The following SCARA3 variants were observed in gnomAD, a reference collection of about 807,000 sequenced individuals.
SCARA3 encodes cellular stress response gene protein.
SCARA3 carries 39 observed loss-of-function variants against 47.0 expected under a neutral mutation model. The observed-to-expected ratio is 0.83, with a 90% confidence interval of 0.64 to 1.08. SCARA3 has a LOEUF of 1.08. Ranked by LOEUF, SCARA3 falls within the 50% of genes least tolerant of loss-of-function variation. The pLI is 0.00. For synonymous variants in SCARA3, 356 were observed against 334.1 expected, an observed-to-expected ratio of 1.07 and a Z score of -0.71; for missense variants, 724 against 792.3, an observed-to-expected ratio of 0.91 and a Z score of 1.04.
At chr8:27,642,408 G>A (rs879938092) in intron 1 of SCARA3, among the ~76,000 whole-genome samples, 1 of 152,194 alleles carries the variant, frequency 6.6e-6, no homozygotes, top group Non-Finnish European at 1.5e-5. Flanking sequence ...GCTCATTGAA[G>A]CGGACGATCT....
the SCARA3 span, chr8:27,697,641 C>T: frequency 1.3e-5 from 2 of 152,158 alleles, no homozygotes; most frequent in South Asian, 4.1e-4. Flanking sequence ...AAATATAGAT[C>T]CCGTAATTCC....
At chr8:27,717,417 G>A in the SCARA3 span, among the ~76,000 whole-genome samples, 14 of 152,324 alleles carry the variant, frequency 9.2e-5, 1 homozygote, top group East Asian at 2.5e-3. Flanking sequence ...GAAGGAGTCA[G>A]GCATGGGGCC....
At chr8:27,720,138 G>A in the SCARA3 span, among the ~76,000 whole-genome samples, 1 of 152,106 alleles carries the variant, frequency 6.6e-6, no homozygotes, top group Non-Finnish European at 1.5e-5. Flanking sequence ...TATAGGAGAT[G>A]TGGGGTGCTT....
At chr8:27,669,597 A>G (rs1165744230) in intron 5 of SCARA3, among the ~76,000 whole-genome samples, 1 of 152,132 alleles carries the variant, frequency 6.6e-6, no homozygotes, top group Non-Finnish European at 1.5e-5. Flanking sequence ...TAACTCAACA[A>G]TGGAATCTCA....
chr8:27,721,597 T>A, the SCARA3 span, among the ~76,000 whole-genome samples: 4 of 152,190 alleles, frequency 2.6e-5, no homozygotes, highest in African/African-American at 9.7e-5. Flanking sequence ...TTCATCCCAA[T>A]GGCCTCAAGT....
chr8:27,669,963 C>A (rs1050299540), intron 5 of SCARA3, among the ~76,000 whole-genome samples: 1 of 152,078 alleles, frequency 6.6e-6, no homozygotes, highest in African/African-American at 2.4e-5. Flanking sequence ...GCCTTGTGTC[C>A]TCAGGGTTGG....
At chr8:27,726,233 C>T in the SCARA3 span, among the ~76,000 whole-genome samples, 1 of 152,164 alleles carries the variant, frequency 6.6e-6, no homozygotes, top group African/African-American at 2.4e-5. Flanking sequence ...ATAGCAAGAC[C>T]TGCATCTACA....
At chr8:27,662,587 G>A (rs1179690621) in intron 5 of SCARA3, among the ~76,000 whole-genome samples, 2 of 152,194 alleles carry the variant, frequency 1.3e-5, no homozygotes, top group Admixed American at 1.3e-4. Flanking sequence ...TATATCCAGG[G>A]CAAGCGTCTA....
the SCARA3 span, among the ~76,000 whole-genome samples, chr8:27,726,695 C>T: frequency 2.0e-5 from 3 of 151,512 alleles, no homozygotes; most frequent in East Asian, 1.9e-4. Flanking sequence ...AGCAAAACTC[C>T]GTCTCAAAAA....
chr8:27,666,792 G>A lies in SCARA3; in HGVS notation c.1370-4108G>A, dbSNP rs912615882. Among the ~76,000 whole-genome samples, 9 of 152,186 alleles carry A rather than the reference G, an allele frequency of 5.9e-5. No homozygotes were observed. In the East Asian group the frequency reaches 1.2e-3, roughly 20 times the overall value. Reference sequence around the variant, plus strand: ...CCATGGGTGGGCAGTGCTGATGCCCGAGACACTGGGCACTCTGCTCACCCC... The same window carrying A: ...CCATGGGTGGGCAGTGCTGATGCCCAAGACACTGGGCACTCTGCTCACCCC... On this transcript the variant is annotated intron_variant, in intron 5 of 5. Transcript: ENST00000301904.
At chr8:27,684,257 G>A in the SCARA3 span, among the ~76,000 whole-genome samples, 2 of 152,030 alleles carry the variant, frequency 1.3e-5, no homozygotes, top group African/African-American at 4.8e-5. Context: ...ATGCTCATGA[G>A]CCAAAAAAGA....
the SCARA3 span, among the ~76,000 whole-genome samples, chr8:27,685,697 A>T: frequency 6.6e-6 from 1 of 152,214 alleles, no homozygotes; most frequent in Non-Finnish European, 1.5e-5. Flanking sequence ...CCCCGTTATG[A>T]TGCAGTGGAA....
chr8:27,712,879 C>T, the SCARA3 span, among the ~76,000 whole-genome samples: 1 of 151,224 alleles, frequency 6.6e-6, no homozygotes, highest in African/African-American at 2.4e-5. Flanking sequence ...GAAAAAAAAA[C>T]CTCAAACTCA....
chr8:27,703,170 GCCT>G, the SCARA3 span: 2 of 152,664 alleles, frequency 1.3e-5, no homozygotes, highest in Admixed American at 1.3e-4. Context: ...GAGAAAAACA[GCCT>G]GAGCCGCACA....
chr8:27,701,692 G>A, the SCARA3 span: 3 of 148,592 alleles, frequency 2.0e-5, no homozygotes, highest in African/African-American at 7.4e-5. Flanking sequence ...AGGGTGCACA[G>A]GCACGGGAGC....
intron 5 of SCARA3, among the ~76,000 whole-genome samples, chr8:27,666,643 G>A (rs7831622): frequency 0.016 from 2,400 of 152,304 alleles, 72 homozygotes; most frequent in African/African-American, 0.055. Context: ...TGCCTCCCAC[G>A]GCACCAGGCC....
the SCARA3 span, among the ~76,000 whole-genome samples, chr8:27,717,317 G>A: frequency 1.3e-5 from 2 of 151,978 alleles, no homozygotes; most frequent in East Asian, 3.9e-4. Flanking sequence ...TATAGCTATA[G>A]ATGTTGATGC....
chr8:27,659,857 AAAAAAAAAAAAAAAAAAAAAGAG>A (rs1473294003), intron 5 of SCARA3, among the ~76,000 whole-genome samples: 1 of 125,148 alleles, frequency 8.0e-6, no homozygotes, highest in Non-Finnish European at 1.8e-5. Context: ...CTAAAAAAAA[AAAAAAAAAAAAAAAAAAAAAGAG>A]AGAGAGAGAG....
the SCARA3 span, among the ~76,000 whole-genome samples, chr8:27,691,132 T>A: frequency 6.6e-6 from 1 of 152,190 alleles, no homozygotes; most frequent in Non-Finnish European, 1.5e-5. Context: ...CCCTTTTGAA[T>A]TTTGTGAAAT....
Sources: gnomAD v4.1 joint callset for allele counts (sites outside exome capture counted in the v4.1 genomes callset) on GRCh38, gnomAD v4.1.1 for gene constraint, MANE v1.5 for transcripts, NCBI Gene and HGNC (gene_info 2026-07-23, HGNC 2026-07-21) for gene names.